Variants in CDH12 observed in about 807,000 individuals in gnomAD.
CDH12 encodes the protein cadherin 12.
Under a neutral mutation model 74.1 loss-of-function variants are expected in CDH12, and 41 were observed. The ratio of observed to expected loss-of-function variants is 0.55; its 90% CI spans 0.43 to 0.72. CDH12 has a LOEUF of 0.72. Among genes scored for constraint, CDH12 ranks in the 30% least tolerant of loss-of-function variants. The probability of loss-of-function intolerance (pLI) is 0.00; values close to 1 mark genes in which losing one functional copy is unlikely to be tolerated. For synonymous variants in CDH12, 399 were observed against 355.0 expected (o/e 1.12, Z -1.39); for missense variants, 945 against 977.2 (o/e 0.97, Z 0.44).
chr5:22,065,200 C>T (rs1235867324), intron 5 of CDH12, among the ~76,000 whole-genome samples: 1 of 152,132 alleles, frequency 6.6e-6, no homozygotes, highest in Non-Finnish European at 1.5e-5. Flanking sequence ...AGACCCAAGT[C>T]TTTGCATGGC....
At chr5:21,879,883 G>A (rs561389986) in intron 6 of CDH12, among the ~76,000 whole-genome samples, 6 of 152,190 alleles carry the variant, frequency 3.9e-5, no homozygotes, top group Non-Finnish European at 8.8e-5. Context: ...GAATATTAAA[G>A]TCATGGATTC....
intron 1 of CDH12, among the ~76,000 whole-genome samples, chr5:22,673,900 C>CA (rs1279875089): frequency 6.6e-6 from 1 of 152,122 alleles, no homozygotes; most frequent in Non-Finnish European, 1.5e-5. Context: ...AGTAAGTTCA[C>CA]AAAAAATAAA....
intron 2 of CDH12, among the ~76,000 whole-genome samples, chr5:22,439,526 A>G (rs1744538418): frequency 6.6e-6 from 1 of 152,066 alleles, no homozygotes; most frequent in Non-Finnish European, 1.5e-5. Flanking sequence ...CAATATAGAC[A>G]TTTTGCCTTT....
chr5:22,827,175 T>C (rs1038475883), intron 1 of CDH12, among the ~76,000 whole-genome samples: 10 of 152,148 alleles, frequency 6.6e-5, no homozygotes, highest in African/African-American at 2.4e-4. Context: ...TGGGCCAATG[T>C]AGAGCTCGGG....
intron 5 of CDH12, among the ~76,000 whole-genome samples, chr5:22,055,396 T>A (rs190633748): frequency 1.3e-5 from 2 of 152,260 alleles, no homozygotes; most frequent in Admixed American, 1.3e-4. Flanking sequence ...TTAATGGGAG[T>A]ATGTTGAAAC....
At chr5:22,548,266 T>TTATTGTCAC (rs1738415078) in intron 1 of CDH12, among the ~76,000 whole-genome samples, 1 of 152,166 alleles carries the variant, frequency 6.6e-6, no homozygotes, top group African/African-American at 2.4e-5. Flanking sequence ...TGCTTATAGA[T>TTATTGTCAC]TATTGTCACT....
chr5:22,744,816 T>G (rs1005310634), intron 1 of CDH12, among the ~76,000 whole-genome samples: 2 of 152,064 alleles, frequency 1.3e-5, no homozygotes, highest in Non-Finnish European at 2.9e-5. Context: ...CTCTTTATCA[T>G]GATAGAGTGC....
chr5:21,868,179 T>C (rs969795670), intron 6 of CDH12, among the ~76,000 whole-genome samples: 1 of 120,062 alleles, frequency 8.3e-6, no homozygotes, highest in African/African-American at 4.1e-5. Context: ...AAATTGCCTC[T>C]TTCTTTTGTA....
intron 1 of CDH12, among the ~76,000 whole-genome samples, chr5:22,551,682 T>C (rs928043173): frequency 1.3e-5 from 2 of 152,016 alleles, no homozygotes; most frequent in African/African-American, 4.8e-5. Flanking sequence ...CAGATAGTTA[T>C]CTAAAGGTTA....
chr5:22,502,285 C>A (rs1160325090), intron 2 of CDH12, among the ~76,000 whole-genome samples: 2 of 151,876 alleles, frequency 1.3e-5, no homozygotes, highest in Non-Finnish European at 2.9e-5. Flanking sequence ...AAGGGATATT[C>A]CCCTGAATAT....
rs1045370001 is a variant in CDH12 at position 22,752,028 on chromosome 5, C to T, written c.-523+101030G>A. Among the ~76,000 whole-genome samples the T allele has an allele frequency of 2.0e-5, 3 of 152,182 alleles. No homozygotes were observed. In the South Asian group the frequency reaches 6.2e-4, roughly 32 times the overall value. ...TCACAGATGCCGTATAGTTTAATTG[C>T]TATCATTTCAGTGTGGAGATGTTCT... On this transcript the variant is annotated intron_variant, in intron 1 of 14. Transcript: ENST00000382254.
At chr5:22,817,098 A>G (rs542309150) in intron 1 of CDH12, among the ~76,000 whole-genome samples, 3 of 152,228 alleles carry the variant, frequency 2.0e-5, no homozygotes, top group African/African-American at 7.2e-5. Flanking sequence ...AAATGCTATT[A>G]CTAGTCGTAA....
chr5:22,478,037 T>C (rs568631864), intron 2 of CDH12, among the ~76,000 whole-genome samples: 52 of 152,170 alleles, frequency 3.4e-4, no homozygotes, highest in Non-Finnish European at 6.5e-4. Context: ...TCATTATATA[T>C]TCCCTGAGAA....
intron 2 of CDH12, among the ~76,000 whole-genome samples, chr5:22,474,707 G>T (rs529986817): frequency 6.6e-6 from 1 of 152,122 alleles, no homozygotes; most frequent in South Asian, 2.1e-4. Flanking sequence ...GTTATTAATG[G>T]TCATATACAA....
intron 1 of CDH12, among the ~76,000 whole-genome samples, chr5:22,773,266 A>G (rs1165838998): frequency 6.6e-6 from 1 of 152,164 alleles, no homozygotes; most frequent in African/African-American, 2.4e-5. Flanking sequence ...CTATAAATGT[A>G]CAGTAACCAA....
At chr5:22,004,063 C>T (rs1436659623) in intron 5 of CDH12, among the ~76,000 whole-genome samples, 1 of 152,018 alleles carries the variant, frequency 6.6e-6, no homozygotes, top group Non-Finnish European at 1.5e-5. Flanking sequence ...TCCTCAAATC[C>T]TGGATCCAGA....
chr5:22,481,949 A>G (rs2126625536), intron 2 of CDH12, among the ~76,000 whole-genome samples: 1 of 152,338 alleles, frequency 6.6e-6, no homozygotes, highest in East Asian at 1.9e-4. Context: ...GTAAAATTAT[A>G]TACATTAATT....
chr5:22,480,341 G>T (rs968166760), intron 2 of CDH12, among the ~76,000 whole-genome samples: 3 of 151,650 alleles, frequency 2.0e-5, no homozygotes, highest in African/African-American at 4.8e-5. Flanking sequence ...CCAGCACTTT[G>T]CAAGGCCAAG....
chr5:22,761,603 G>A (rs1746231686), intron 1 of CDH12, among the ~76,000 whole-genome samples: 1 of 152,136 alleles, frequency 6.6e-6, no homozygotes, highest in Admixed American at 6.6e-5. Context: ...TTTACACCTA[G>A]GTAGAGGTGC....
Sources: allele counts gnomAD v4.1 joint callset (sites outside exome capture counted in the v4.1 genomes callset), GRCh38; gene constraint gnomAD v4.1.1; transcripts MANE v1.5; gene names NCBI Gene and HGNC (gene_info 2026-07-23, HGNC 2026-07-21).